Variants in RFC1 observed in about 807,000 individuals in gnomAD.
RFC1 encodes A1 140 kDa subunit.
A neutral mutation model predicts 137.4 loss-of-function variants in RFC1; 37 were observed. That is an observed-to-expected ratio of 0.27 (90% CI 0.21 to 0.35). RFC1 has a LOEUF of 0.35. Among genes scored for constraint, RFC1 ranks in the 10% least tolerant of loss-of-function variants. RFC1 has a pLI of 1.00. For missense variants in RFC1, 1,205 were observed against 1,358.5 expected, an observed-to-expected ratio of 0.89 and a Z score of 1.78; for synonymous variants, 429 against 455.7, an observed-to-expected ratio of 0.94 and a Z score of 0.75.
At position 39,289,932 on chromosome 4, in the gene RFC1, C is replaced by T. The variant is rs201096166; in HGVS notation, c.3276G>A (p.Ser1092=). ...CTTCATTTAATTCTTCATTGTATTC[C>T]GAATCCAGGGATGGGCTTGTGCTGT... The part of the protein sequence containing the change: ...SRHSTSPSLD[S]EYNEELNEDD... The change falls in exon 24 of 25, where the codon TCG becomes TCA. Residue 1092 remains serine (S), a synonymous_variant. Coordinates refer to ENST00000349703, the MANE Select transcript of RFC1 (RefSeq NM_002913.5). 20 of 1,613,010 alleles carry T rather than the reference C, an allele frequency of 1.2e-5. No homozygotes were observed. The Admixed American group carries it at 1.5e-4, about 12-fold the overall frequency.
chr4:39,296,250 CTTT>C (rs10717106), intron 21 of RFC1, among the ~76,000 whole-genome samples: 39,596 of 132,648 alleles, frequency 0.3, 4,891 homozygotes, highest in African/African-American at 0.32. Flanking sequence ...TTTTTTTTTT[CTTT>C]TTTTTTTTTT....
rs12643386 is a variant in RFC1, at chr4:39,306,899, C to A, written c.1886-198G>T. The stretch of plus-strand genomic sequence containing the variant: ...AATTCTACTTCCTACCTCACCCCCA[C>A]CCAAAATAAAAAACTAAAACTAACT... On this transcript the variant is annotated intron_variant, in intron 13 of 24. Transcript: ENST00000349703. 1.3e-5 allele frequency among the ~76,000 whole-genome samples: 2 copies of A among 152,290 alleles called. No homozygotes were observed. The highest frequency in any genetic ancestry group is 3.9e-4 in the East Asian group (2 of 5,190).
chr4:39,302,779 A>G lies in RFC1; in HGVS notation c.2298T>C (p.Cys766=). Residue 766 remains cysteine, a synonymous_variant, in exon 17 of 25, where the codon TGT becomes TGC. Coordinates refer to ENST00000349703, the MANE Select transcript of RFC1 (RefSeq NM_002913.5). ...HPKIRSLVHY[C]FDLRFQRPRV... is the part of the protein sequence containing the mutation. ...GAGGTCTTTGAAAACGAAGATCAAA[A>G]CAATAATGAACCAGAGAGCGAATCT... The G allele has an allele frequency of 1.3e-6, 2 of 1,599,870 alleles. No homozygotes were observed. Among genetic ancestry groups the G allele is most frequent in the Non-Finnish European group, 1.7e-6 (2 of 1,176,306 alleles).
At chr4:39,366,120 G>A (rs1434553025) in intron 1 of RFC1, 119 bp downstream of exon 1, 5 of 1,128,516 alleles carry the variant, frequency 4.4e-6, no homozygotes, top group South Asian at 1.6e-5. Flanking sequence ...GCCTTTGCTA[G>A]CCTCCGGAAC....
At chr4:39,338,073 A>G (rs1740445772) in intron 4 of RFC1, among the ~76,000 whole-genome samples, 1 of 152,230 alleles carries the variant, frequency 6.6e-6, no homozygotes, top group African/African-American at 2.4e-5. Context: ...AGCTAAAAGT[A>G]AATATATTTA....
chr4:39,361,218 G>A (rs767560746), intron 1 of RFC1, among the ~76,000 whole-genome samples: 64 of 151,986 alleles, frequency 4.2e-4, no homozygotes, highest in Non-Finnish European at 8.1e-4. Context: ...ACAAAACCCC[G>A]TCTCTGCTAA....
chr4:39,329,352 T>C (rs1453214204), intron 4 of RFC1, among the ~76,000 whole-genome samples: 1 of 151,240 alleles, frequency 6.6e-6, no homozygotes, highest in African/African-American at 2.4e-5. Flanking sequence ...AAAAATTAGC[T>C]GGGGAGGCAG....
chr4:39,302,243 T>C, intron 19 of RFC1, 35 bp downstream of exon 19: 1 of 1,374,502 alleles, frequency 7.3e-7, no homozygotes, highest in Non-Finnish European at 1.0e-6. Context: ...TGTTTTGGCT[T>C]AGGAAAGTAA....
At chr4:39,326,238 G>C (rs1390394582) in intron 6 of RFC1, among the ~76,000 whole-genome samples, 1 of 152,132 alleles carries the variant, frequency 6.6e-6, no homozygotes, top group Non-Finnish European at 1.5e-5. Context: ...TTTCCCATTT[G>C]GAAGAAACTA....
chr4:39,326,741 A>AC, intron 5 of RFC1, 101 bp from the exon 6 acceptor site: 3 of 850,332 alleles, frequency 3.5e-6, no homozygotes, highest in Non-Finnish European at 3.8e-6. Context: ...AGTGAGAGAT[A>AC]AGTGTATCTA....
chr4:39,289,804 A>G, intron 24 of RFC1, 44 bp downstream of exon 24: 1 of 1,300,866 alleles, frequency 7.7e-7, no homozygotes, highest in East Asian at 2.3e-5. Context: ...GCAAGGAAAG[A>G]TCATCTATTT....
intron 11 of RFC1, 59 bp downstream of exon 11, chr4:39,312,693 C>G (rs1486361852): frequency 2.0e-6 from 3 of 1,486,970 alleles, no homozygotes; most frequent in African/African-American, 2.8e-5. Flanking sequence ...CAAATCACAT[C>G]AAGAGTGTGC....
chr4:39,341,784 ATTAC>A, intron 4 of RFC1: 1 of 385,650 alleles, frequency 2.6e-6, no homozygotes, highest in South Asian at 1.9e-5. Context: ...CCATGAAACA[ATTAC>A]TTACACAACA....
At chr4:39,300,502 G>C in intron 19 of RFC1, 88 bp from the exon 20 acceptor site, 1 of 964,020 alleles carries the variant, frequency 1.0e-6, no homozygotes, top group Non-Finnish European at 1.6e-6. Context: ...TGGAACAAGA[G>C]GAATTCCATT....
At chr4:39,314,940 C>T (rs577483263) in intron 10 of RFC1, among the ~76,000 whole-genome samples, 8 of 152,156 alleles carry the variant, frequency 5.3e-5, no homozygotes, top group African/African-American at 9.6e-5. Flanking sequence ...ATTAGCAAAA[C>T]GCATGCTTTA....
At position 39,295,661 on chromosome 4, in the gene RFC1, G is replaced by C; in HGVS notation, c.2907C>G (p.Gly969=). 6.2e-7 allele frequency: 1 copy of C among 1,613,578 alleles called. No homozygotes were observed. The highest frequency in any genetic ancestry group is 2.2e-5 in the East Asian group (1 of 44,874). ...GGTCCTGAACAATACGATCATGTTTGCCTGTAGACGAGTGCTTCCCCAGCC... is the reference window on the plus strand; with the variant it reads ...GGTCCTGAACAATACGATCATGTTTCCCTGTAGACGAGTGCTTCCCCAGCC... ...PSWLGKHSST[G]KHDRIVQDLA... Residue 969 remains glycine, a synonymous_variant, in exon 22 of 25, where the codon GGC becomes GGG. Coordinates refer to ENST00000349703, the MANE Select transcript of RFC1 (RefSeq NM_002913.5).
intron 1 of RFC1, among the ~76,000 whole-genome samples, chr4:39,356,326 G>A (rs998749753): frequency 6.6e-6 from 1 of 152,070 alleles, no homozygotes; most frequent in Non-Finnish European, 1.5e-5. Context: ...TTGAGCCCGG[G>A]AAGTGGAGGG....
intron 2 of RFC1, among the ~76,000 whole-genome samples, chr4:39,349,376 G>A (rs753717298): frequency 1.4e-4 from 22 of 152,188 alleles, no homozygotes; most frequent in Non-Finnish European, 1.5e-5. Flanking sequence ...GGTCGTAAGG[G>A]TGGGGCTCTG....
At chr4:39,291,601 T>A (rs879499097) in intron 23 of RFC1, 38 bp downstream of exon 23, 2 of 1,423,020 alleles carry the variant, frequency 1.4e-6, no homozygotes, top group Non-Finnish European at 2.0e-6. Context: ...AACCTGGTAA[T>A]AGAAAGTGAC....
Sources: allele counts gnomAD v4.1 joint callset (sites outside exome capture counted in the v4.1 genomes callset), GRCh38; gene constraint gnomAD v4.1.1; transcripts MANE v1.5; gene names NCBI Gene and HGNC (gene_info 2026-07-23, HGNC 2026-07-21).